The following TTLL13 variants were observed in gnomAD, a reference collection of about 807,000 sequenced individuals.
TTLL13 encodes tubulin tyrosine ligase like 13, also known as tubulin polyglutamylase TTLL13.
the TTLL13 span, chr15:90,250,734 C>G: frequency 6.2e-7 from 1 of 1,614,162 alleles, no homozygotes; most frequent in Non-Finnish European, 8.5e-7. Context: ...CCCTCTAACT[C>G]TTCACAGCAG....
the TTLL13 span, chr15:90,255,934 G>T: frequency 6.2e-7 from 1 of 1,612,988 alleles, no homozygotes; most frequent in Non-Finnish European, 8.5e-7. Context: ...GAGGAAAAGG[G>T]TCGCTCTCAG....
chr15:90,252,285 C>T, the TTLL13 span, among the ~76,000 whole-genome samples: 1 of 152,178 alleles, frequency 6.6e-6, no homozygotes, highest in Non-Finnish European at 1.5e-5. Context: ...GATCCACCCA[C>T]CTCAGCCTCC....
At chr15:90,256,545 T>TTTTC in the TTLL13 span, among the ~76,000 whole-genome samples, 4,116 of 104,856 alleles carry the variant, frequency 0.039, 167 homozygotes, top group Non-Finnish European at 0.054. Context: ...TCTCCTTCCT[T>TTTTC]TTTCTTTCTT....
chr15:90,262,766 A>G, the TTLL13 span: 3 of 1,264,668 alleles, frequency 2.4e-6, no homozygotes, highest in East Asian at 2.6e-5. Flanking sequence ...CTCCCCATGC[A>G]CAAGAGAGAG....
the TTLL13 span, chr15:90,262,055 T>TA: frequency 1.2e-4 from 177 of 1,535,868 alleles, no homozygotes; most frequent in Admixed American, 3.3e-4. Context: ...CCAGGAACGA[T>TA]ATGAGGATTC....
At chr15:90,263,773 G>C in the TTLL13 span, 1 of 700,622 alleles carries the variant, frequency 1.4e-6, no homozygotes, top group Non-Finnish European at 2.6e-6. Context: ...GGGCAGTCAA[G>C]AACTGAAATC....
chr15:90,263,543 C>G, the TTLL13 span: 2 of 549,776 alleles, frequency 3.6e-6, no homozygotes, highest in African/African-American at 1.9e-5. Flanking sequence ...TTTGGGCCAA[C>G]AAAAGAGCTG....
the TTLL13 span, among the ~76,000 whole-genome samples, chr15:90,256,542 CCTTT>C: frequency 6.8e-6 from 1 of 146,322 alleles, no homozygotes; most frequent in South Asian, 2.2e-4. Context: ...CTGTCTCCTT[CCTTT>C]TTCTTTCTTT....
At chr15:90,263,760 G>A in the TTLL13 span, 2 of 695,342 alleles carry the variant, frequency 2.9e-6, no homozygotes, top group Non-Finnish European at 5.3e-6. Context: ...GCTAGGACAG[G>A]CTGGGCAGTC....
chr15:90,257,409 T>A, the TTLL13 span: 16 of 1,372,152 alleles, frequency 1.2e-5, no homozygotes, highest in Non-Finnish European at 1.5e-5. Context: ...AGCTGCAGCA[T>A]CTAGCTGGGA....
the TTLL13 span, chr15:90,263,901 A>G: frequency 1.5e-6 from 2 of 1,306,418 alleles, no homozygotes; most frequent in South Asian, 2.5e-5. Context: ...GGGCACTGCC[A>G]AGCATGAATG....
the TTLL13 span, chr15:90,257,171 C>G: frequency 6.2e-7 from 1 of 1,613,540 alleles, no homozygotes; most frequent in African/African-American, 1.3e-5. Flanking sequence ...GTTTGATATG[C>G]GAGTCTACGT....
At chr15:90,258,810 G>A in the TTLL13 span, 2 of 1,614,176 alleles carry the variant, frequency 1.2e-6, no homozygotes, top group Non-Finnish European at 1.7e-6. Context: ...GCACTTCTCT[G>A]TGATGCTATG....
At chr15:90,262,996 C>T in the TTLL13 span, 1 of 1,536,022 alleles carries the variant, frequency 6.5e-7, no homozygotes, top group Non-Finnish European at 8.7e-7. Flanking sequence ...CACCATGAGG[C>T]CTCAAGAAAT....
chr15:90,261,989 G>T, the TTLL13 span: 3 of 1,523,378 alleles, frequency 2.0e-6, no homozygotes, highest in African/African-American at 4.1e-5. Context: ...TTGACTCACT[G>T]AGCTTGCTTT....
the TTLL13 span, chr15:90,257,770 C>T: frequency 1.9e-6 from 3 of 1,574,880 alleles, no homozygotes; most frequent in Admixed American, 1.7e-5. Flanking sequence ...CTTAGCCCCA[C>T]AGTCCCAGTA....
At chr15:90,253,320 G>T in the TTLL13 span, 6 of 1,613,542 alleles carry the variant, frequency 3.7e-6, no homozygotes, top group Non-Finnish European at 5.1e-6. Context: ...GTACTGGACA[G>T]ACTGCGCTGT....
the TTLL13 span, among the ~76,000 whole-genome samples, chr15:90,264,392 G>A: frequency 2.6e-5 from 4 of 152,102 alleles, no homozygotes; most frequent in African/African-American, 9.7e-5. Context: ...CGTAGCCCAG[G>A]CTGGTCTTGA....
At chr15:90,257,861 C>G in the TTLL13 span, 2 of 959,970 alleles carry the variant, frequency 2.1e-6, no homozygotes, top group East Asian at 5.1e-5. Flanking sequence ...TGTGCCTGCA[C>G]TTTGGAGCTC....
Sources: gnomAD v4.1 joint callset for allele counts (sites outside exome capture counted in the v4.1 genomes callset) on GRCh38, gnomAD v4.1.1 for gene constraint, MANE v1.5 for transcripts, NCBI Gene and HGNC (gene_info 2026-07-23, HGNC 2026-07-21) for gene names.